PDGFB: variants seen among roughly 807,000 people sequenced by gnomAD.
PDGFB encodes the protein platelet-derived growth factor subunit B.
PDGFB carries 6 observed loss-of-function variants against 29.0 expected under a neutral mutation model. That is an observed-to-expected ratio of 0.21 (90% confidence interval 0.11 to 0.41). The LOEUF (loss-of-function observed/expected upper bound fraction) is 0.41, where lower values mean the gene tolerates loss of function less well. Ranked by LOEUF, PDGFB falls within the 10% of genes least tolerant of loss-of-function variation. The pLI, the probability that PDGFB is intolerant of heterozygous loss-of-function variation, is 1.00. For synonymous variants in PDGFB, 144 were observed against 140.8 expected (o/e 1.02, Z -0.16); for missense variants, 299 against 341.8 (o/e 0.87, Z 0.99).
Position 39,234,198 on chromosome 22 carries a change from T to G in PDGFB, c.161-674A>C, listed in dbSNP as rs959511074. On this transcript the variant is annotated intron_variant, in intron 2 of 6. Coordinates refer to ENST00000331163, the MANE Select transcript of PDGFB (RefSeq NM_002608.4). ...CTGTGTCTGTCTCCCTCCCCTTCTC[T>G]AAACTGTTGCCCCACCTCTGCCCCC... Among the ~76,000 whole-genome samples, 3 of 152,280 alleles carry G rather than the reference T, an allele frequency of 2.0e-5. No individual in the cohort carries two copies. In the South Asian group the frequency reaches 6.2e-4, roughly 32 times the overall value.
chr22:39,226,830 AAT>A (rs1482716367), intron 5 of PDGFB, among the ~76,000 whole-genome samples: 51 of 152,270 alleles, frequency 3.3e-4, no homozygotes, highest in Non-Finnish European at 5.9e-4. Context: ...CACTCTGAGA[AAT>A]GGTAGAGTGG....
At position 39,231,762 on chromosome 22, in the gene PDGFB, T is replaced by C. The variant is rs763543941; in HGVS notation, c.316A>G (p.Ile106Val). The C allele has an allele frequency of 3.3e-5, 53 of 1,613,574 alleles. No homozygotes were observed. The East Asian group carries it at 1.2e-3, about 35-fold the overall frequency. The change falls in exon 4 of 7, where the codon ATC (isoleucine) becomes GTC (valine). Residue 106 changes from isoleucine to valine, a missense_variant. Ile to Val is a conservative substitution (Grantham distance 29). Coordinates refer to ENST00000331163, the MANE Select transcript of PDGFB (RefSeq NM_002608.4). This position sits in a 1 kb window ranked among gnomAD's most constrained non-coding sequence, Gnocchi z 4.3. ...ECKTRTEVFEISRRLIDRTNA... is the reference protein window; with the variant it reads ...ECKTRTEVFEVSRRLIDRTNA... ...GTGCGGTCTATGAGGCGCCGGGAGATCTCGAACACCTCGGTGCGCGTCTTG... is the reference window on the plus strand; with the variant it reads ...GTGCGGTCTATGAGGCGCCGGGAGACCTCGAACACCTCGGTGCGCGTCTTG...
intron 5 of PDGFB, among the ~76,000 whole-genome samples, chr22:39,229,272 G>A (rs966864672): frequency 2.0e-5 from 3 of 151,820 alleles, no homozygotes; most frequent in South Asian, 2.1e-4. Context: ...CTGTAGCCTC[G>A]ACATCCCAGC....
chr22:39,237,902 G>A (rs192535744), intron 1 of PDGFB, among the ~76,000 whole-genome samples: 4 of 152,346 alleles, frequency 2.6e-5, no homozygotes, highest in East Asian at 1.9e-4. Context: ...CGCCAAAGCC[G>A]GGTGCCTAGC....
chr22:39,236,471 C>A (rs529425322), intron 1 of PDGFB, among the ~76,000 whole-genome samples: 1 of 152,222 alleles, frequency 6.6e-6, no homozygotes, highest in African/African-American at 2.4e-5. Context: ...TCGAAAGAGG[C>A]GAAAAGGGAA....
rs78098671 is a variant in PDGFB at position 39,243,220 on chromosome 22, T to C, written c.63+681A>G. Among the ~76,000 whole-genome samples, 8,511 of 147,214 alleles carry C rather than the reference T, an allele frequency of 0.058. 748 individuals carry two copies. The highest frequency in any genetic ancestry group is 0.2 in the African/African-American group (7,994 of 39,610). On this transcript the variant is annotated intron_variant, in intron 1 of 6. Coordinates refer to ENST00000331163, the MANE Select transcript of PDGFB (RefSeq NM_002608.4). The surrounding 1 kb of genome is among the most constrained non-coding windows in gnomAD (Gnocchi z 6.4). ...CCGAAACCTACCTGCGTCTCTATCT[T>C]TCTCTCCCTCTCTCTCTCCGTCTCT...
chr22:39,230,745 A>G (rs919021329), intron 4 of PDGFB, among the ~76,000 whole-genome samples: 1 of 152,224 alleles, frequency 6.6e-6, no homozygotes, highest in East Asian at 1.9e-4. Flanking sequence ...GGCCCAAGCC[A>G]GGGAGGGAAG....
At position 39,225,763 on chromosome 22, in the gene PDGFB, G is replaced by C. The variant is rs754605938; in HGVS notation, c.686C>G (p.Thr229Arg). The change falls in exon 6 of 7, where the codon ACG becomes AGG. Residue 229 changes from threonine (T) to arginine (R), a missense_variant. Transcript: ENST00000331163. ...PKGKHRKFKH[T>R]HDKTALKETL... ...CTCCTTCAGTGCCGTCTTGTCATGC[G>C]TGTGCTTGAATTTCCGGTGCTTGCC... 6.2e-7 allele frequency: 1 copy of C among 1,614,034 alleles called. No individual in the cohort carries two copies. The highest frequency in any genetic ancestry group is 8.5e-7 in the Non-Finnish European group (1 of 1,180,010).
chr22:39,244,509 G>A lies in PDGFB; in HGVS notation c.-546C>T, dbSNP rs933293873. 1 of 173,988 alleles carries A rather than the reference G, an allele frequency of 5.7e-6. No homozygotes were observed. The highest frequency in any genetic ancestry group is 1.2e-5 in the Non-Finnish European group (1 of 80,468). The allele number at this position is 173,988 out of a possible 1,614,324, so 10.8% of individuals were successfully genotyped here. ...AAAGTTGGCTTTGCAACGGCAGCTC[G>A]AGCACCCGGGCAGGGAGAGGTGCAA... On this transcript the variant is annotated 5_prime_UTR_variant, in exon 1 of 7. Coordinates refer to ENST00000331163, the MANE Select transcript of PDGFB (RefSeq NM_002608.4). The surrounding 1 kb of genome is among the most constrained non-coding windows in gnomAD (Gnocchi z 4.5).
Position 39,234,799 on chromosome 22 carries a change from G to A in PDGFB, c.160+979C>T, listed in dbSNP as rs1015562822. Among the ~76,000 whole-genome samples, 5 of 152,366 alleles carry A rather than the reference G, an allele frequency of 3.3e-5. No individual in the cohort carries two copies. The East Asian group carries it at 7.7e-4, about 24-fold the overall frequency. ...ATTGAAACCTCATCTCCAAGATCCC[G>A]ACCCCCACCAGGGGTGTGGAGGGGC... On this transcript the variant is annotated intron_variant, in intron 2 of 6. Coordinates refer to ENST00000331163, the MANE Select transcript of PDGFB (RefSeq NM_002608.4).
At chr22:39,240,816 A>C in intron 1 of PDGFB, 1 of 1,609,458 alleles carries the variant, frequency 6.2e-7, no homozygotes, top group Non-Finnish European at 8.5e-7. Context: ...AGGCTCCTCA[A>C]TGTGGGGAGG....
Position 39,231,736 on chromosome 22 carries a change from G to T in PDGFB, c.342C>A (p.Thr114=), listed in dbSNP as rs146591513. 4.7e-5 allele frequency: 76 copies of T among 1,612,710 alleles called. No homozygotes were observed. Among genetic ancestry groups the T allele is most frequent in the Non-Finnish European group, 4.6e-5 (54 of 1,179,556 alleles). ...GCGGCCACACCAGGAAGTTGGCGTT[G>T]GTGCGGTCTATGAGGCGCCGGGAGA... is the stretch of plus-strand genomic sequence containing the variant. ...FEISRRLIDR[T]NANFLVWPPC... is the part of the protein sequence containing the mutation. The change falls in exon 4 of 7, where the codon ACC becomes ACA. Residue 114 remains threonine, a synonymous_variant. Coordinates refer to ENST00000331163, the MANE Select transcript of PDGFB (RefSeq NM_002608.4). The surrounding 1 kb of genome is among the most constrained non-coding windows in gnomAD (Gnocchi z 4.3).
intron 3 of PDGFB, among the ~76,000 whole-genome samples, chr22:39,233,056 T>C (rs1411531965): frequency 6.6e-6 from 1 of 152,096 alleles, no homozygotes; most frequent in African/African-American, 2.4e-5. Flanking sequence ...TGGGTTCAAG[T>C]GAGGGGAGCA....
At chr22:39,240,286 G>T (rs998449282) in intron 1 of PDGFB, among the ~76,000 whole-genome samples, 1 of 151,972 alleles carries the variant, frequency 6.6e-6, no homozygotes, top group Non-Finnish European at 1.5e-5. Flanking sequence ...CCCAGCCAGG[G>T]GACGGGGCCA....
At chr22:39,232,021 C>G (rs1932321376) in intron 3 of PDGFB, among the ~76,000 whole-genome samples, 194 bp from the exon 4 acceptor site, 1 of 65,734 alleles carries the variant, frequency 1.5e-5, no homozygotes, top group Non-Finnish European at 3.3e-5. Context: ...CCTGTGTTTC[C>G]CCATCTGAAA....
chr22:39,238,498 G>A (rs1250601919), intron 1 of PDGFB, among the ~76,000 whole-genome samples: 2 of 152,062 alleles, frequency 1.3e-5, no homozygotes, highest in Non-Finnish European at 2.9e-5. Context: ...CAAGCCACAC[G>A]CTGAGAAAAA....
rs112463622 is a variant in PDGFB, at chr22:39,240,921, G to GCGCA, written c.63+2979_63+2980insTGCG. On this transcript the variant is annotated intron_variant, in intron 1 of 6. Coordinates refer to ENST00000331163, the MANE Select transcript of PDGFB (RefSeq NM_002608.4). The stretch of plus-strand genomic sequence containing the variant: ...CTCTCTCTCTCTCTCTCTCAGATGC[G>GCGCA]CACACACACACACACACACACTCTC... 1.7e-5 allele frequency: 21 copies of GCGCA among 1,232,354 alleles called. No homozygotes were observed. In the African/African-American group the frequency reaches 3.3e-4, roughly 19 times the overall value. 76.3% of individuals were successfully genotyped at this position (1,232,354 alleles called of 1,614,324 possible). A position where few individuals can be genotyped will look rare whatever the true frequency, so the allele number is the denominator to read the frequency against.
chr22:39,236,125 T>A (rs1332715143), intron 1 of PDGFB, among the ~76,000 whole-genome samples: 7 of 152,096 alleles, frequency 4.6e-5, no homozygotes, highest in Admixed American at 2.0e-4. Flanking sequence ...TTGCTTTGAG[T>A]TGGACCTGCT....
Position 39,225,728 on chromosome 22 carries a change from C to G in PDGFB, c.721G>C (p.Ala241Pro), listed in dbSNP as rs772443417. ...DKTALKETLG[A>P] is the part of the protein sequence containing the mutation. ...ACACTCTCCTGCCGATGCCCCTAGG[C>G]TCCAAGGGTCTCCTTCAGTGCCGTC... Residue 241 changes from alanine (A) to proline (P), a missense_variant, in exon 6 of 7, where the codon GCC (alanine) becomes CCC (proline). Ala to Pro is a conservative substitution (Grantham distance 27, BLOSUM62 -1). Coordinates refer to ENST00000331163, the MANE Select transcript of PDGFB (RefSeq NM_002608.4). The G allele has an allele frequency of 6.2e-7, 1 of 1,613,896 alleles. No individual in the cohort carries two copies. Among genetic ancestry groups the G allele is most frequent in the Non-Finnish European group, 8.5e-7 (1 of 1,179,916 alleles).
Sources: gnomAD v4.1 joint callset for allele counts (sites outside exome capture counted in the v4.1 genomes callset) on GRCh38, gnomAD v4.1.1 for gene constraint, Gnocchi (gnomAD v3.1) non-coding constraint, MANE v1.5 for transcripts, NCBI Gene and HGNC (gene_info 2026-07-23, HGNC 2026-07-21) for gene names.